Variants in TTL observed in about 807,000 individuals in gnomAD.
The protein encoded by TTL is tubulin tyrosine ligase, also known as tubulin--tyrosine ligase.
In TTL, 10 loss-of-function variants were observed where a neutral mutation model predicts 41.1. The observed-to-expected ratio is 0.24, with a 90% CI of 0.15 to 0.41. TTL has a LOEUF of 0.41. Among genes scored for constraint, TTL ranks in the 10% least tolerant of loss-of-function variants. TTL has a pLI of 1.00. For synonymous variants in TTL, 175 were observed against 175.5 expected, an observed-to-expected ratio of 1.00 and a Z score of 0.02; for missense variants, 367 against 460.4, an observed-to-expected ratio of 0.80 and a Z score of 1.86.
chr2:112,486,305 T>A (rs548850715), intron 2 of TTL, among the ~76,000 whole-genome samples: 7 of 151,884 alleles, frequency 4.6e-5, no homozygotes, highest in Non-Finnish European at 8.8e-5. Context: ...GAGAACCAAG[T>A]AAAGAGGTGG....
At chr2:112,486,728 C>T (rs1384984528) in intron 2 of TTL, among the ~76,000 whole-genome samples, 1 of 152,146 alleles carries the variant, frequency 6.6e-6, no homozygotes, top group Non-Finnish European at 1.5e-5. Flanking sequence ...GGGCAGATCT[C>T]CTCATCCCTC....
rs1429413307 is a variant in TTL, at chr2:112,536,443, CAG to C, written c.*7649_*7650del. On this transcript the variant is annotated 3_prime_UTR_variant, in exon 7 of 7. Transcript: ENST00000233336. ...GATGGAAAAAGATATACCATGCAAA[CAG>C]TAACTCAAAGAGAAGTGGAGTAGCT... 2 of 152,120 alleles carry C rather than the reference CAG, an allele frequency of 1.3e-5. No homozygotes were observed. Among genetic ancestry groups the C allele is most frequent in the Non-Finnish European group, 2.9e-5 (2 of 68,020 alleles). The allele number at this position is 152,120 out of a possible 1,614,324, so 9.4% of individuals were successfully genotyped here.
intron 3 of TTL, among the ~76,000 whole-genome samples, chr2:112,497,571 A>C (rs1574058995): frequency 6.6e-6 from 1 of 152,040 alleles, no homozygotes; most frequent in Admixed American, 6.6e-5. Context: ...CTGTTGTATC[A>C]AAAAATCTGA....
In TTL at chr2:112,531,525, G is replaced by A. The variant is rs999268083; in HGVS notation, c.*2730G>A. 14 of 230,004 alleles carry A rather than the reference G, an allele frequency of 6.1e-5. No homozygotes were observed. Among genetic ancestry groups the A allele is most frequent in the Non-Finnish European group, 4.3e-5 (5 of 115,928 alleles). 14.2% of individuals were successfully genotyped at this position (230,004 alleles called of 1,614,324 possible). Reference sequence around the variant, plus strand: ...ACACTGACTACATGCTGGAATGACTGTGAAGCTTTTAAAAAATGTTAGTGC... The same window carrying A: ...ACACTGACTACATGCTGGAATGACTATGAAGCTTTTAAAAAATGTTAGTGC... On this transcript the variant is annotated 3_prime_UTR_variant, in exon 7 of 7. Coordinates refer to ENST00000233336, the MANE Select transcript of TTL (RefSeq NM_153712.5).
intron 5 of TTL, among the ~76,000 whole-genome samples, chr2:112,509,349 C>T (rs62157523): frequency 2.0e-5 from 3 of 151,792 alleles, no homozygotes; most frequent in Admixed American, 6.6e-5. Context: ...CCACCCAGTT[C>T]GAGCTTCCTG....
At chr2:112,516,967 G>A (rs1002283266) in intron 5 of TTL, among the ~76,000 whole-genome samples, 7 of 151,870 alleles carry the variant, frequency 4.6e-5, no homozygotes, top group African/African-American at 1.7e-4. Flanking sequence ...CATCCTTTCC[G>A]CATTGTTCAT....
intron 5 of TTL, among the ~76,000 whole-genome samples, chr2:112,516,291 A>G (rs892219834): frequency 2.0e-5 from 3 of 152,204 alleles, no homozygotes; most frequent in Non-Finnish European, 4.4e-5. Context: ...AAGTTGTTAT[A>G]TATCAAGTTT....
At chr2:112,520,130 CAAAAAAA>C (rs34238996) in intron 5 of TTL, 145 bp from the exon 6 acceptor site, 73 of 505,946 alleles carry the variant, frequency 1.4e-4, no homozygotes, top group Non-Finnish European at 1.6e-4. Flanking sequence ...AACTCCGTCT[CAAAAAAA>C]AAAAAAAAAA....
At chr2:112,522,956 C>T (rs1682280797) in intron 6 of TTL, among the ~76,000 whole-genome samples, 2 of 152,212 alleles carry the variant, frequency 1.3e-5, no homozygotes, top group Admixed American at 6.5e-5. Context: ...CCTCCCAGAG[C>T]AGCCAGTGTG....
intron 2 of TTL, 134 bp from the exon 3 acceptor site, chr2:112,494,009 A>C (rs754544709): frequency 4.8e-5 from 32 of 671,386 alleles, no homozygotes; most frequent in Non-Finnish European, 7.9e-5. Flanking sequence ...GGAGACTAAG[A>C]GCAAATAGAG....
chr2:112,485,010 T>G (rs939745406), intron 1 of TTL, among the ~76,000 whole-genome samples: 2 of 152,318 alleles, frequency 1.3e-5, no homozygotes, highest in Admixed American at 1.3e-4. Context: ...AGTGCAGTGG[T>G]GGGATCTTGG....
In TTL at chr2:112,530,077, G is replaced by A. The variant is rs1682470403; in HGVS notation, c.*1282G>A. On this transcript the variant is annotated 3_prime_UTR_variant, in exon 7 of 7. Transcript: ENST00000233336. ...TTCCTAGAGTGTCCTGGAAATCACA[G>A]CAACCCATTGAAAACTGCCCTCCCC... 2 of 230,298 alleles carry A rather than the reference G, an allele frequency of 8.7e-6. No homozygotes were observed. The highest frequency in any genetic ancestry group is 6.2e-5 in the East Asian group (1 of 16,216). 14.3% of individuals were successfully genotyped at this position (230,298 alleles called of 1,614,324 possible).
chr2:112,508,716 C>T (rs2104462657), intron 5 of TTL, among the ~76,000 whole-genome samples: 1 of 1,838 alleles, frequency 5.4e-4, no homozygotes, highest in African/African-American at 3.0e-3. Flanking sequence ...ATACATTCTT[C>T]TAAATTTTTT....
rs188214301 is a variant in TTL at position 112,498,480 on chromosome 2, A to C, written c.470-2726A>C. 9.9e-4 allele frequency among the ~76,000 whole-genome samples: 151 copies of C among 152,360 alleles called. 1 individual carries two copies. Among genetic ancestry groups the C allele is most frequent in the African/African-American group, 3.5e-3 (147 of 41,584 alleles). On this transcript the variant is annotated intron_variant, in intron 3 of 6. Transcript: ENST00000233336. ...AGAGGACCTAAAGAAATGGACAGAC[A>C]TACCGTGTTCATGGATTGCAGGACA... is the stretch of plus-strand genomic sequence containing the variant.
At chr2:112,526,317 G>C (rs1245826390) in intron 6 of TTL, among the ~76,000 whole-genome samples, 1 of 152,190 alleles carries the variant, frequency 6.6e-6, no homozygotes, top group Admixed American at 6.5e-5. Flanking sequence ...GAGTTAGGGA[G>C]GAGTCCCTCT....
At position 112,483,176 on chromosome 2, in the gene TTL, T is replaced by G. The variant is rs552618126; in HGVS notation, c.157+675T>G. 3.3e-5 allele frequency: 5 copies of G among 152,456 alleles called. No individual in the cohort carries two copies. In the East Asian group the frequency reaches 5.8e-4, roughly 18 times the overall value. 9.4% of individuals were successfully genotyped at this position (152,456 alleles called of 1,614,324 possible). On this transcript the variant is annotated intron_variant, in intron 1 of 6. Coordinates refer to ENST00000233336, the MANE Select transcript of TTL (RefSeq NM_153712.5). Reference sequence around the variant, plus strand: ...ATTAAGATCTTACACGAGGCTGCGTTCGCCCTCCCTGTCTTCCCTGCTCTC... The same window carrying G: ...ATTAAGATCTTACACGAGGCTGCGTGCGCCCTCCCTGTCTTCCCTGCTCTC...
rs1217661953 is a variant in TTL, at chr2:112,539,619, C to G, written c.*10824C>G. ...GGAGCTTTCTTCCCAATATCAGGCA[C>G]AAAACAAGTATATTTATTCTTGTCA... On this transcript the variant is annotated 3_prime_UTR_variant, in exon 7 of 7. Coordinates refer to ENST00000233336, the MANE Select transcript of TTL (RefSeq NM_153712.5). 1 of 152,048 alleles carries G rather than the reference C, an allele frequency of 6.6e-6. No homozygotes were observed. Among genetic ancestry groups the G allele is most frequent in the East Asian group, 1.9e-4 (1 of 5,196 alleles). The allele number at this position is 152,048 out of a possible 1,614,324, so 9.4% of individuals were successfully genotyped here.
chr2:112,511,824 G>A (rs1681927549), intron 5 of TTL, among the ~76,000 whole-genome samples: 1 of 151,858 alleles, frequency 6.6e-6, no homozygotes, highest in Admixed American at 6.6e-5. Context: ...ACACACTTCA[G>A]CCTCCCAGAG....
intron 5 of TTL, 39 bp from the exon 6 acceptor site, chr2:112,520,243 C>T (rs1247292777): frequency 1.9e-6 from 3 of 1,606,924 alleles, no homozygotes; most frequent in Non-Finnish European, 2.6e-6. Context: ...CTCCTTTGAC[C>T]ACCCCGTTCT....
Sources: allele counts gnomAD v4.1 joint callset (sites outside exome capture counted in the v4.1 genomes callset), GRCh38; gene constraint gnomAD v4.1.1; transcripts MANE v1.5; gene names NCBI Gene and HGNC (gene_info 2026-07-23, HGNC 2026-07-21).